The following MBNL3 variants were observed in gnomAD, a reference collection of about 807,000 sequenced individuals.
MBNL3 encodes the protein muscleblind like splicing regulator 3.
MBNL3 carries 6 observed loss-of-function variants against 24.5 expected under a neutral mutation model. That is an observed-to-expected ratio of 0.25 (90% CI 0.13 to 0.48). MBNL3 has a LOEUF of 0.48. Ranked by LOEUF, MBNL3 falls within the 20% of genes least tolerant of loss-of-function variation. The pLI is 0.99. For missense variants in MBNL3, 230 were observed against 293.5 expected (o/e 0.78, Z 1.58); for synonymous variants, 100 against 101.7 (o/e 0.98, Z 0.10).
chrX:132,468,119 G>A (rs1946984613), intron 1 of MBNL3, among the ~76,000 whole-genome samples: 1 of 111,890 alleles, frequency 8.9e-6, no homozygotes, highest in South Asian at 3.7e-4. Flanking sequence ...CAAACAGAAT[G>A]GCATCAATGC....
chrX:132,456,921 C>T (rs1946401047), intron 1 of MBNL3, among the ~76,000 whole-genome samples: 1 of 111,696 alleles, frequency 9.0e-6, no homozygotes, highest in African/African-American at 3.3e-5. Flanking sequence ...TTCAAAAGAA[C>T]ATGTGGTCCA....
At chrX:132,409,165 C>G (rs1942340416) in intron 2 of MBNL3, among the ~76,000 whole-genome samples, 1 of 112,258 alleles carries the variant, frequency 8.9e-6, no homozygotes, top group African/African-American at 3.2e-5. Context: ...TAAATCTCCT[C>G]TACATAGCGT....
At chrX:132,421,878 TAGAA>T (rs1487757924) in intron 2 of MBNL3, among the ~76,000 whole-genome samples, 1 of 111,132 alleles carries the variant, frequency 9.0e-6, no homozygotes, top group Non-Finnish European at 1.9e-5. Context: ...CCTGGTAAGT[TAGAA>T]AGACAAAGCC....
At chrX:132,396,452 C>CTATA (rs1231418193) in intron 3 of MBNL3, among the ~76,000 whole-genome samples, 1 of 67,060 alleles carries the variant, frequency 1.5e-5, no homozygotes, top group Non-Finnish European at 2.6e-5. Context: ...ATATATATTC[C>CTATA]TATATATATA....
At position 132,386,773 on chromosome X, in the gene MBNL3, T is replaced by G; in HGVS notation, c.810A>C (p.Arg270Ser). 1.7e-6 allele frequency: 2 copies of G among 1,211,084 alleles called. No individual in the cohort carries two copies. Among genetic ancestry groups the G allele is most frequent in the Non-Finnish European group, 2.2e-6 (2 of 895,408 alleles). The change falls in exon 6 of 9, where the codon AGA becomes AGC. Residue 270 changes from arginine (R) to serine (S), a missense_variant. Arg to Ser is a moderately radical substitution (Grantham distance 110). Transcript: ENST00000370853. ...QPGTLQLIPK[R>S]SALEKPNGAT... ...CACCATTGGGCTTTTCCAGTGCTGATCTCTTTGGTATCAGTTGCAGTGTAC... is the reference window on the plus strand; with the variant it reads ...CACCATTGGGCTTTTCCAGTGCTGAGCTCTTTGGTATCAGTTGCAGTGTAC...
chrX:132,480,909 A>G (rs1317896020), intron 1 of MBNL3, among the ~76,000 whole-genome samples: 1 of 111,658 alleles, frequency 9.0e-6, no homozygotes, highest in African/African-American at 3.3e-5. Flanking sequence ...AGGGACCTTG[A>G]TTGTAAAAGC....
At chrX:132,442,529 C>T (rs1340076196) in intron 1 of MBNL3, among the ~76,000 whole-genome samples, 1 of 112,026 alleles carries the variant, frequency 8.9e-6, no homozygotes, top group Non-Finnish European at 1.9e-5. Flanking sequence ...TGCCTGAACA[C>T]ATTTGGAAGG....
intron 1 of MBNL3, among the ~76,000 whole-genome samples, chrX:132,484,539 G>T (rs1456680602): frequency 4.5e-5 from 5 of 111,419 alleles, no homozygotes; most frequent in African/African-American, 1.6e-4. Flanking sequence ...CAGGATTCAA[G>T]AATCCAATGT....
At chrX:132,380,348 T>A (rs1934664386) in intron 8 of MBNL3, among the ~76,000 whole-genome samples, 1 of 112,116 alleles carries the variant, frequency 8.9e-6, no homozygotes, top group African/African-American at 3.2e-5. Flanking sequence ...TACATTATCA[T>A]GTTTAGTGCT....
chrX:132,442,554 G>C (rs1316061814), intron 1 of MBNL3, among the ~76,000 whole-genome samples: 1 of 112,088 alleles, frequency 8.9e-6, no homozygotes, highest in Non-Finnish European at 1.9e-5. Flanking sequence ...TGACAAAAAA[G>C]ATCTATCTAT....
At chrX:132,452,416 T>C in intron 1 of MBNL3, among the ~76,000 whole-genome samples, 1 of 112,072 alleles carries the variant, frequency 8.9e-6, no homozygotes, top group Non-Finnish European at 1.9e-5. Flanking sequence ...TTCCATTTAA[T>C]ATACGTGGGG....
At chrX:132,422,815 C>T (rs991232300) in intron 2 of MBNL3, among the ~76,000 whole-genome samples, 8 of 111,454 alleles carry the variant, frequency 7.2e-5, no homozygotes, top group South Asian at 3.8e-4. Flanking sequence ...CCAGAATTAC[C>T]GGGAGAGTTT....
At chrX:132,399,352 C>T (rs1569428903) in intron 3 of MBNL3, among the ~76,000 whole-genome samples, 1 of 110,363 alleles carries the variant, frequency 9.1e-6, no homozygotes, top group East Asian at 2.8e-4. Flanking sequence ...TACATATGTA[C>T]ATACATGAAT....
intron 5 of MBNL3, among the ~76,000 whole-genome samples, chrX:132,388,664 G>A (rs1936554326): frequency 9.0e-6 from 1 of 111,375 alleles, no homozygotes; most frequent in African/African-American, 3.3e-5. Flanking sequence ...GGTGGTGATT[G>A]TACTATTAAA....
intron 3 of MBNL3, among the ~76,000 whole-genome samples, chrX:132,400,736 T>C (rs961630061): frequency 1.8e-5 from 2 of 111,545 alleles, no homozygotes; most frequent in Non-Finnish European, 3.8e-5. Context: ...TCAGTTGATA[T>C]ACCTAAAAGT....
intron 6 of MBNL3, among the ~76,000 whole-genome samples, chrX:132,385,448 G>T (rs1036748403): frequency 1.8e-5 from 2 of 111,079 alleles, no homozygotes; most frequent in Non-Finnish European, 3.8e-5. Flanking sequence ...TAATGTGTAG[G>T]TAAATTACCA....
At chrX:132,390,674 TA>T (rs1378066767) in intron 5 of MBNL3, among the ~76,000 whole-genome samples, 172 bp downstream of exon 5, 2 of 112,038 alleles carry the variant, frequency 1.8e-5, no homozygotes, top group African/African-American at 6.5e-5. Flanking sequence ...TAGAAAATCT[TA>T]GTAAATAAAG....
At chrX:132,411,190 C>G (rs1393870061) in intron 2 of MBNL3, 1 of 752,284 alleles carries the variant, frequency 1.3e-6, no homozygotes, top group Non-Finnish European at 1.6e-6. Flanking sequence ...CTGTACCCAC[C>G]TTCTTCATGC....
intron 2 of MBNL3, among the ~76,000 whole-genome samples, chrX:132,425,482 T>C (rs950871072): frequency 8.9e-6 from 1 of 112,177 alleles, no homozygotes; most frequent in Non-Finnish European, 1.9e-5. Context: ...CTCTCTATTA[T>C]TATATTTCTT....
Sources: allele counts gnomAD v4.1 joint callset (sites outside exome capture counted in the v4.1 genomes callset), GRCh38; gene constraint gnomAD v4.1.1; transcripts MANE v1.5; gene names NCBI Gene and HGNC (gene_info 2026-07-23, HGNC 2026-07-21).